Variants in PLD5 observed in about 807,000 individuals in gnomAD.
The protein encoded by PLD5 is inactive phospholipase D5.
Under a neutral mutation model 61.1 loss-of-function variants are expected in PLD5, and 36 were observed. The ratio of observed to expected loss-of-function variants is 0.59; its 90% CI spans 0.45 to 0.78. The LOEUF (loss-of-function observed/expected upper bound fraction) is 0.78. Among genes scored for constraint, PLD5 ranks in the 30% least tolerant of loss-of-function variants. The probability of loss-of-function intolerance (pLI) is 0.00; values close to 1 mark genes in which losing one functional copy is unlikely to be tolerated. For synonymous variants in PLD5, 243 were observed against 242.8 expected (o/e 1.00, Z -0.01); for missense variants, 515 against 644.4 (o/e 0.80, Z 2.17).
intron 5 of PLD5, among the ~76,000 whole-genome samples, chr1:242,174,985 T>C (rs1465376838): frequency 6.6e-6 from 1 of 152,114 alleles, no homozygotes; most frequent in Non-Finnish European, 1.5e-5. Flanking sequence ...GGCACATGTA[T>C]ACATATGTAA....
intron 4 of PLD5, among the ~76,000 whole-genome samples, chr1:242,248,756 A>G (rs918888506): frequency 6.6e-6 from 1 of 152,170 alleles, no homozygotes; most frequent in Non-Finnish European, 1.5e-5. Context: ...AAGAGGAACC[A>G]TAATTTATCA....
At position 242,430,274 on chromosome 1, in the gene PLD5, C is replaced by G. The variant is rs76441559; in HGVS notation, c.190-82032G>C. Among the ~76,000 whole-genome samples, 962 of 152,260 alleles carry G rather than the reference C, an allele frequency of 6.3e-3. 2 individuals are homozygous for G. The highest frequency in any genetic ancestry group is 0.014 in the Middle Eastern group (4 of 294). ...GGCTGGGAAGTTCAAGATCAGGGAG[C>G]TGACTGGTCTGGTTCCTCAGTGAGG... On this transcript the variant is annotated intron_variant, in intron 1 of 9. Coordinates refer to ENST00000536534, the MANE Select transcript of PLD5 (RefSeq NM_001372062.1).
chr1:242,272,274 T>C (rs1454383144), intron 3 of PLD5, among the ~76,000 whole-genome samples: 1 of 152,162 alleles, frequency 6.6e-6, no homozygotes, highest in Admixed American at 6.5e-5. Flanking sequence ...CAAAAATTAA[T>C]AGAAATGCAA....
intron 1 of PLD5, among the ~76,000 whole-genome samples, chr1:242,391,055 T>C (rs950492945): frequency 3.3e-5 from 5 of 151,258 alleles, no homozygotes; most frequent in African/African-American, 1.2e-4. Flanking sequence ...ATTAGCCAGG[T>C]GTGGTGGCGG....
At chr1:242,350,903 T>TG (rs1394657117) in intron 1 of PLD5, among the ~76,000 whole-genome samples, 4 of 151,684 alleles carry the variant, frequency 2.6e-5, no homozygotes, top group Non-Finnish European at 1.5e-5. Context: ...TATTCTTTTT[T>TG]TTTTTTTTTC....
chr1:242,256,361 A>G lies in PLD5; in HGVS notation c.607+8976T>C, dbSNP rs968342553. 6.6e-6 allele frequency among the ~76,000 whole-genome samples: 1 copy of G among 152,230 alleles called. No individual in the cohort carries two copies. The highest frequency in any genetic ancestry group is 2.4e-5 in the African/African-American group (1 of 41,468). On this transcript the variant is annotated intron_variant, in intron 4 of 9. Coordinates refer to ENST00000536534, the MANE Select transcript of PLD5 (RefSeq NM_001372062.1). This position sits in a 1 kb window ranked among gnomAD's most constrained non-coding sequence, Gnocchi z 5.7. Reference sequence around the variant, plus strand: ...CATGGGGAGAAAAATCTGAAGATCTATTTCTCTATCTGATTTGAATGTCCC... The same window carrying G: ...CATGGGGAGAAAAATCTGAAGATCTGTTTCTCTATCTGATTTGAATGTCCC...
intron 1 of PLD5, among the ~76,000 whole-genome samples, chr1:242,468,541 C>A (rs891036499): frequency 6.6e-6 from 1 of 152,006 alleles, no homozygotes; most frequent in Non-Finnish European, 1.5e-5. Context: ...ATCTGCAGAC[C>A]TTTACAAACA....
At chr1:242,180,507 G>GA (rs995277846) in intron 5 of PLD5, among the ~76,000 whole-genome samples, 7 of 150,504 alleles carry the variant, frequency 4.7e-5, no homozygotes, top group South Asian at 2.1e-4. Flanking sequence ...AATTGAATTA[G>GA]AAAAAAAAAT....
At chr1:242,372,632 A>G (rs1216724426) in intron 1 of PLD5, among the ~76,000 whole-genome samples, 1 of 152,190 alleles carries the variant, frequency 6.6e-6, no homozygotes, top group Non-Finnish European at 1.5e-5. Context: ...CCTCAGAAAT[A>G]TTACCACACA....
chr1:242,171,005 C>T (rs1032194088), intron 5 of PLD5, among the ~76,000 whole-genome samples: 6 of 152,114 alleles, frequency 3.9e-5, no homozygotes, highest in Admixed American at 2.0e-4. Context: ...CCTAGCAAGA[C>T]AGGCCAACAT....
At chr1:242,193,556 A>G in intron 5 of PLD5, among the ~76,000 whole-genome samples, 1 of 152,254 alleles carries the variant, frequency 6.6e-6, no homozygotes, top group East Asian at 1.9e-4. Context: ...GCATTGAGAC[A>G]AAAGGAGGCA....
chr1:242,085,724 A>G lies in PLD5; in HGVS notation c.*4130T>C, dbSNP rs772623857. ...TCCACAATATATGGGGCTGTTCGTAAGGACTGAGTTTGAATAAACAATAAC... is the reference window on the plus strand; with the variant it reads ...TCCACAATATATGGGGCTGTTCGTAGGGACTGAGTTTGAATAAACAATAAC... On this transcript the variant is annotated 3_prime_UTR_variant, in exon 10 of 10. Transcript: ENST00000536534. The G allele has an allele frequency of 7.9e-5, 12 of 152,232 alleles. No individual in the cohort carries two copies. The highest frequency in any genetic ancestry group is 1.3e-4 in the Non-Finnish European group (9 of 68,034). The allele number at this position is 152,232 out of a possible 1,614,324, so 9.4% of individuals were successfully genotyped here. A position where few individuals can be genotyped will look rare whatever the true frequency, so the allele number is the denominator to read the frequency against.
chr1:242,362,363 A>G (rs1238416366), intron 1 of PLD5, among the ~76,000 whole-genome samples: 1 of 152,148 alleles, frequency 6.6e-6, no homozygotes, highest in Non-Finnish European at 1.5e-5. Context: ...ATAGATGCAG[A>G]CTTTTCCCTT....
intron 5 of PLD5, among the ~76,000 whole-genome samples, chr1:242,151,061 T>A (rs1295085757): frequency 6.6e-6 from 1 of 151,858 alleles, no homozygotes; most frequent in African/African-American, 2.4e-5. Flanking sequence ...ACTTTATATA[T>A]AATATAAGGA....
intron 1 of PLD5, among the ~76,000 whole-genome samples, chr1:242,410,210 C>T (rs1001615390): frequency 1.1e-4 from 16 of 152,182 alleles, no homozygotes; most frequent in Middle Eastern, 6.8e-3. Flanking sequence ...TTTAAGGATC[C>T]TCGGAAGAAT....
intron 4 of PLD5, among the ~76,000 whole-genome samples, chr1:242,253,611 C>T (rs1444379200): frequency 6.6e-6 from 1 of 152,174 alleles, no homozygotes; most frequent in Admixed American, 6.5e-5. Context: ...CCGCGCCCGG[C>T]CGCTTCACCT....
chr1:242,373,682 C>T (rs988680351), intron 1 of PLD5, among the ~76,000 whole-genome samples: 7 of 152,120 alleles, frequency 4.6e-5, no homozygotes, highest in Non-Finnish European at 1.0e-4. Context: ...TCATCATTCT[C>T]AGCAAACTAT....
chr1:242,335,438 G>A (rs1166781653), intron 2 of PLD5, among the ~76,000 whole-genome samples: 1 of 152,290 alleles, frequency 6.6e-6, no homozygotes, highest in East Asian at 1.9e-4. Context: ...TGTAGTTCTA[G>A]ATCCTTTTGT....
chr1:242,182,614 A>T (rs967845284), intron 5 of PLD5, among the ~76,000 whole-genome samples: 1 of 152,172 alleles, frequency 6.6e-6, no homozygotes, highest in African/African-American at 2.4e-5. Context: ...AGGCCGAGGC[A>T]GGTGGATCAC....
Sources: gnomAD v4.1 joint callset for allele counts (sites outside exome capture counted in the v4.1 genomes callset) on GRCh38, gnomAD v4.1.1 for gene constraint, Gnocchi (gnomAD v3.1) non-coding constraint, MANE v1.5 for transcripts, NCBI Gene and HGNC (gene_info 2026-07-23, HGNC 2026-07-21) for gene names.